Variants in FBN1 observed in about 807,000 individuals in gnomAD.
FBN1 encodes fibrillin-1.
FBN1 carries 29 observed loss-of-function variants against 365.1 expected under a neutral mutation model. That is an observed-to-expected ratio of 0.08 (90% CI 0.06 to 0.11). The LOEUF is 0.11. FBN1 is among the 10% of genes least tolerant of loss of function. The probability of loss-of-function intolerance (pLI) is 1.00; values close to 1 mark genes in which losing one functional copy is unlikely to be tolerated. For missense variants in FBN1, 2,476 were observed against 3,703.2 expected, an observed-to-expected ratio of 0.67 and a Z score of 8.60; for synonymous variants, 1,210 against 1,270.5, an observed-to-expected ratio of 0.95 and a Z score of 1.01.
In FBN1 at chr15:48,477,013, TATAGAA is replaced by T. The variant is rs533380819; in HGVS notation, c.3965-2369_3965-2364del. ...AAATATTGGTGAATATTAACTGACT[TATAGAA>T]ATACTCACTAATATCTTCTACTAAG... On this transcript the variant is annotated intron_variant, in intron 32 of 65. Transcript: ENST00000316623. Among the ~76,000 whole-genome samples, 27 of 152,244 alleles carry T rather than the reference TATAGAA, an allele frequency of 1.8e-4. No homozygotes were observed. In the South Asian group the frequency reaches 5.6e-3, roughly 32 times the overall value.
chr15:48,532,464 G>A (rs978431173), intron 8 of FBN1, among the ~76,000 whole-genome samples: 10 of 150,740 alleles, frequency 6.6e-5, no homozygotes, highest in Non-Finnish European at 8.9e-5. Flanking sequence ...ATAAAGATAT[G>A]TGTGTGTGTA....
At position 48,483,925 on chromosome 15, in the gene FBN1, T is replaced by C; in HGVS notation, c.3731A>G (p.Asp1244Gly). 6.2e-7 allele frequency: 1 copy of C among 1,613,378 alleles called. No individual in the cohort carries two copies. Among genetic ancestry groups the C allele is most frequent in the Non-Finnish European group, 8.5e-7 (1 of 1,179,976 alleles). ...RSCTDIDECE[D>G]NPNICDGGQC... ...ACCACCATCACAGATATTGGGATTATCTTCACACTCATCGATGTCTGCAAA... is the reference window on the plus strand; with the variant it reads ...ACCACCATCACAGATATTGGGATTACCTTCACACTCATCGATGTCTGCAAA... Residue 1244 changes from aspartate to glycine, a missense_variant, in exon 31 of 66, where the codon GAT becomes GGT. This residue lies in a region of FBN1 where 1,780 missense variants were observed against 2,840.8 expected (regional missense o/e 0.63). Coordinates refer to ENST00000316623, the MANE Select transcript of FBN1 (RefSeq NM_000138.5).
intron 38 of FBN1, among the ~76,000 whole-genome samples, chr15:48,466,672 G>T (rs973023978): frequency 6.6e-6 from 1 of 152,032 alleles, no homozygotes; most frequent in African/African-American, 2.4e-5. Context: ...ATATATTCCA[G>T]TTCTAACTCT....
Position 48,428,020 on chromosome 15 carries a change from C to A in FBN1, c.6998-247G>T. ...AGACAAGCTTATAACTCTCTCTGCT[C>A]CCAGAAATACAGGGGAATAGCCATG... On this transcript the variant is annotated intron_variant, in intron 57 of 65. Transcript: ENST00000316623. 5.9e-6 allele frequency: 4 copies of A among 680,026 alleles called. No homozygotes were observed. The South Asian group carries it at 6.1e-5, about 10-fold the overall frequency. 42.1% of individuals were successfully genotyped at this position (680,026 alleles called of 1,614,324 possible).
intron 63 of FBN1, among the ~76,000 whole-genome samples, chr15:48,418,857 G>C (rs1429388928): frequency 6.6e-6 from 1 of 152,178 alleles, no homozygotes; most frequent in African/African-American, 2.4e-5. Flanking sequence ...GGCCTTAAGG[G>C]AGTACCGATA....
At chr15:48,590,120 C>A (rs16961205) in intron 6 of FBN1, among the ~76,000 whole-genome samples, 15,766 of 152,150 alleles carry the variant, frequency 0.1, 2,845 homozygotes, top group African/African-American at 0.36. Flanking sequence ...TAGCCACCTA[C>A]AATTTAAAAT....
intron 17 of FBN1, among the ~76,000 whole-genome samples, chr15:48,499,642 G>A (rs1212065688): frequency 6.6e-6 from 1 of 152,054 alleles, no homozygotes; most frequent in Non-Finnish European, 1.5e-5. Context: ...AGATCATATT[G>A]AAAAAACTGA....
intron 6 of FBN1, among the ~76,000 whole-genome samples, chr15:48,555,102 A>C (rs2044169645): frequency 6.6e-6 from 1 of 152,220 alleles, no homozygotes. Context: ...CATGGCATGC[A>C]GTGATGATGT....
chr15:48,580,503 T>G (rs1405055113), intron 6 of FBN1, among the ~76,000 whole-genome samples: 1 of 152,144 alleles, frequency 6.6e-6, no homozygotes, highest in African/African-American at 2.4e-5. Context: ...CCATATGACT[T>G]GGCAAGATAA....
intron 6 of FBN1, among the ~76,000 whole-genome samples, chr15:48,594,928 A>G (rs1353279952): frequency 6.6e-6 from 1 of 152,226 alleles, no homozygotes; most frequent in Admixed American, 6.5e-5. Context: ...ATTGCCTAGA[A>G]GAAATAGTTT....
In FBN1 at chr15:48,488,113, C is replaced by A; in HGVS notation, c.3337G>T (p.Asp1113Tyr). ...SGFMMMKNCM[D>Y]IDECQRDPLL... Reference sequence around the variant, plus strand: ...GTTGATCAAATGATCCCAAACTTACCCATGCAGTTCTTCATCATCATGAAT... The same window carrying A: ...GTTGATCAAATGATCCCAAACTTACACATGCAGTTCTTCATCATCATGAAT... The change falls in exon 27 of 66, where the codon GAT becomes TAT. Residue 1113 changes from aspartate to tyrosine, a missense_variant and splice_region_variant. Asp to Tyr is a radical substitution (Grantham distance 160, BLOSUM62 -3). This residue lies in a region of FBN1 where 1,780 missense variants were observed against 2,840.8 expected (regional missense o/e 0.63). Coordinates refer to ENST00000316623, the MANE Select transcript of FBN1 (RefSeq NM_000138.5). 6.2e-7 allele frequency: 1 copy of A among 1,614,110 alleles called. No homozygotes were observed. Among genetic ancestry groups the A allele is most frequent in the Non-Finnish European group, 8.5e-7 (1 of 1,180,016 alleles).
intron 16 of FBN1, among the ~76,000 whole-genome samples, chr15:48,504,799 G>C (rs2043694397): frequency 1.3e-5 from 2 of 152,200 alleles, no homozygotes; most frequent in African/African-American, 2.4e-5. Context: ...GGAAGAAAAG[G>C]GGGAAGGATA....
intron 6 of FBN1, among the ~76,000 whole-genome samples, chr15:48,555,149 C>G: frequency 6.6e-6 from 1 of 152,128 alleles, no homozygotes; most frequent in Admixed American, 6.5e-5. Flanking sequence ...ATCTTGTTCC[C>G]TTCCTTGTCC....
At chr15:48,485,242 T>G (rs1162370385) in intron 30 of FBN1, 132 bp downstream of exon 30, 3 of 1,153,664 alleles carry the variant, frequency 2.6e-6, no homozygotes, top group Non-Finnish European at 3.8e-6. Flanking sequence ...GGTATCTTGA[T>G]TAAGGATACA....
intron 29 of FBN1, among the ~76,000 whole-genome samples, chr15:48,486,623 C>G (rs1184227173): frequency 6.6e-6 from 1 of 152,164 alleles, no homozygotes; most frequent in African/African-American, 2.4e-5. Flanking sequence ...AATCTTTTAG[C>G]TGATCTAAAC....
At position 48,414,209 on chromosome 15, in the gene FBN1, G is replaced by T. The variant is rs985506231; in HGVS notation, c.8051+1327C>A. ...AATGGTTCTGGCATTAAACTATAAA[G>T]AATGAGTCTACTGAGAGCCAGACAC... is the stretch of plus-strand genomic sequence containing the variant. On this transcript the variant is annotated intron_variant, in intron 64 of 65. Coordinates refer to ENST00000316623, the MANE Select transcript of FBN1 (RefSeq NM_000138.5). Among the ~76,000 whole-genome samples the T allele has an allele frequency of 4.6e-5, 7 of 152,188 alleles. No individual in the cohort carries two copies. The East Asian group carries it at 7.7e-4, about 17-fold the overall frequency.
At chr15:48,622,622 C>T (rs1889790853) in intron 2 of FBN1, among the ~76,000 whole-genome samples, 1 of 152,142 alleles carries the variant, frequency 6.6e-6, no homozygotes, top group Admixed American at 6.5e-5. Flanking sequence ...ATTCACCGTG[C>T]TTATTTCTAT....
chr15:48,489,714 C>A, intron 25 of FBN1, 137 bp downstream of exon 25: 2 of 763,992 alleles, frequency 2.6e-6, no homozygotes, highest in South Asian at 1.6e-5. Flanking sequence ...TCATACTTTT[C>A]TAAACAAAGA....
Position 48,465,620 on chromosome 15 carries a change from C to A in FBN1, c.4890G>T (p.Gln1630His). The change falls in exon 40 of 66, where the codon CAG (glutamine) becomes CAT (histidine). Residue 1630 changes from glutamine (Q) to histidine (H), a missense_variant. Physicochemically the swap from Gln to His is conservative, Grantham distance 24. This residue lies in a region of FBN1 where 1,780 missense variants were observed against 2,840.8 expected (regional missense o/e 0.63). Transcript: ENST00000316623. ...GGTAGTAGCCGGTTGGACAGCGGCA[C>A]TGGAAACTCCCAAAGGTGTTGATAC... Reference protein sequence around the residue: ...GKCINTFGSFQCRCPTGYYLN... With the variant: ...GKCINTFGSFHCRCPTGYYLN... 6.2e-7 allele frequency: 1 copy of A among 1,614,146 alleles called. No homozygotes were observed. The highest frequency in any genetic ancestry group is 8.5e-7 in the Non-Finnish European group (1 of 1,180,002).
Sources: allele counts gnomAD v4.1 joint callset (sites outside exome capture counted in the v4.1 genomes callset), GRCh38; gene constraint gnomAD v4.1.1; regional missense constraint gnomAD v4.1.1; transcripts MANE v1.5; gene names NCBI Gene and HGNC (gene_info 2026-07-23, HGNC 2026-07-21).